MEI1: variants seen among roughly 807,000 people sequenced by gnomAD.
MEI1 encodes the protein meiotic double-stranded break formation protein 1, also known as meiosis inhibitor protein 1.
MEI1 carries 103 observed loss-of-function variants against 146.2 expected under a neutral mutation model. The observed-to-expected ratio is 0.70, with a 90% CI of 0.60 to 0.83. The LOEUF (loss-of-function observed/expected upper bound fraction) is 0.83. Ranked by LOEUF, MEI1 falls within the 40% of genes least tolerant of loss-of-function variation. The pLI, the probability that MEI1 is intolerant of heterozygous loss-of-function variation, is 0.00. For missense variants in MEI1, 1,529 were observed against 1,533.0 expected (o/e 1.00, Z 0.04); for synonymous variants, 652 against 628.2 (o/e 1.04, Z -0.57).
chr22:41,794,673 A>T (rs968173459), intron 28 of MEI1, among the ~76,000 whole-genome samples, 196 bp downstream of exon 28: 1 of 151,992 alleles, frequency 6.6e-6, no homozygotes, highest in Non-Finnish European at 1.5e-5. Flanking sequence ...GGGGACTCCG[A>T]CACCCTTTCC....
At chr22:41,792,370 G>GT (rs2076210199) in intron 26 of MEI1, among the ~76,000 whole-genome samples, 1 of 152,190 alleles carries the variant, frequency 6.6e-6, no homozygotes, top group Non-Finnish European at 1.5e-5. Flanking sequence ...ACAGGAATCT[G>GT]TGTCAAAGCC....
At chr22:41,773,601 C>T (rs1460646761) in intron 20 of MEI1, among the ~76,000 whole-genome samples, 4 of 149,848 alleles carry the variant, frequency 2.7e-5, no homozygotes, top group Non-Finnish European at 4.4e-5. Flanking sequence ...GGAGGCCGGG[C>T]GCGGTGGCTC....
chr22:41,773,159 A>C (rs1191320937), intron 20 of MEI1, among the ~76,000 whole-genome samples: 1 of 152,160 alleles, frequency 6.6e-6, no homozygotes, highest in Non-Finnish European at 1.5e-5. Flanking sequence ...TTGAATGTGC[A>C]CCATCCTTAT....
chr22:41,769,299 A>C (rs1323627991), intron 19 of MEI1, among the ~76,000 whole-genome samples: 1 of 152,212 alleles, frequency 6.6e-6, no homozygotes, highest in Non-Finnish European at 1.5e-5. Context: ...GGATGCCAAG[A>C]TAATTCAATG....
intron 3 of MEI1, among the ~76,000 whole-genome samples, chr22:41,707,629 C>G (rs1053293407): frequency 2.0e-5 from 3 of 151,844 alleles, no homozygotes; most frequent in Non-Finnish European, 2.9e-5. Flanking sequence ...GGCAACATAG[C>G]AAGACTGTCT....
chr22:41,736,802 T>G (rs1343250917), intron 11 of MEI1, among the ~76,000 whole-genome samples: 1 of 152,064 alleles, frequency 6.6e-6, no homozygotes, highest in Non-Finnish European at 1.5e-5. Context: ...CTGTAGAAAA[T>G]AACATAGGTT....
intron 20 of MEI1, among the ~76,000 whole-genome samples, chr22:41,773,761 G>C (rs777268857): frequency 7.9e-5 from 12 of 152,096 alleles, no homozygotes; most frequent in Non-Finnish European, 1.5e-4. Flanking sequence ...TGTAGTCCCA[G>C]CCACTCAGGA....
At chr22:41,703,013 C>T (rs537020512) in intron 1 of MEI1, among the ~76,000 whole-genome samples, 113 of 152,276 alleles carry the variant, frequency 7.4e-4, no homozygotes, top group African/African-American at 2.3e-3. Context: ...TCACCGGGCC[C>T]GGCCTCTGTT....
chr22:41,730,723 C>A, intron 9 of MEI1, 86 bp downstream of exon 9: 1 of 827,984 alleles, frequency 1.2e-6, no homozygotes, highest in Non-Finnish European at 2.1e-6. Context: ...GGGGGGCTAG[C>A]CTCCACCTTG....
chr22:41,746,080 C>A, intron 14 of MEI1, 54 bp downstream of exon 14: 1 of 1,492,550 alleles, frequency 6.7e-7, no homozygotes. Context: ...GAAGAATGTG[C>A]AGGCGAGCCA....
In MEI1 at chr22:41,752,649, G is replaced by T; in HGVS notation, c.1851G>T (p.Leu617=). 1 of 1,593,842 alleles carries T rather than the reference G, an allele frequency of 6.3e-7. No individual in the cohort carries two copies. The highest frequency in any genetic ancestry group is 8.5e-7 in the Non-Finnish European group (1 of 1,170,264). ...TGAAGGCCAGGTTTTGCAGTGGTCT[G>T]AGGTATGTGTGGTCCCAGGCAAGAT... ...LELKARFCSG[L]SHSALNQVCS... The change falls in exon 16 of 31, where the codon CTG becomes CTT. Residue 617 remains leucine, a splice_region_variant and synonymous_variant. Transcript: ENST00000401548.
At chr22:41,728,906 C>G (rs912388189) in intron 7 of MEI1, among the ~76,000 whole-genome samples, 2 of 151,866 alleles carry the variant, frequency 1.3e-5, no homozygotes, top group African/African-American at 2.4e-5. Flanking sequence ...TGGCTCATGC[C>G]TATATTCCCA....
At chr22:41,741,923 A>T (rs1422456166) in intron 11 of MEI1, among the ~76,000 whole-genome samples, 1 of 143,220 alleles carries the variant, frequency 7.0e-6, no homozygotes. Context: ...CAGCCTGGTG[A>T]CAGAGCGAGA....
chr22:41,765,423 G>A (rs73426999), intron 19 of MEI1, among the ~76,000 whole-genome samples: 2,516 of 152,240 alleles, frequency 0.017, 71 homozygotes, highest in African/African-American at 0.056. Flanking sequence ...CGAGGCTGCA[G>A]TGAGCCATGT....
intron 26 of MEI1, among the ~76,000 whole-genome samples, chr22:41,792,110 C>A (rs1194327097): frequency 6.6e-6 from 1 of 152,160 alleles, no homozygotes; most frequent in African/African-American, 2.4e-5. Context: ...GAATTATATC[C>A]TTTAAAGGAT....
intron 6 of MEI1, among the ~76,000 whole-genome samples, chr22:41,721,578 A>T (rs2070806252): frequency 6.6e-6 from 1 of 150,462 alleles, no homozygotes; most frequent in South Asian, 2.1e-4. Flanking sequence ...TTTTTTGTAG[A>T]GTCTGGGTCT....
chr22:41,783,904 A>G (rs2075852515), intron 24 of MEI1, among the ~76,000 whole-genome samples: 2 of 151,990 alleles, frequency 1.3e-5, no homozygotes, highest in African/African-American at 4.8e-5. Context: ...GCTGGTCTTG[A>G]ACTCCTGGGC....
chr22:41,751,640 C>T (rs764635724), intron 15 of MEI1, among the ~76,000 whole-genome samples: 1 of 151,920 alleles, frequency 6.6e-6, no homozygotes, highest in Admixed American at 6.6e-5. Flanking sequence ...GGCGTGGTGG[C>T]GCGTGGCTGT....
rs376462095 is a variant in MEI1, at chr22:41,796,923, C to T, written c.3779+1076C>T. 1.3e-3 allele frequency among the ~76,000 whole-genome samples: 192 copies of T among 151,856 alleles called. 1 individual carries two copies. Among genetic ancestry groups the T allele is most frequent in the African/African-American group, 4.4e-3 (181 of 41,398 alleles). On this transcript the variant is annotated intron_variant, in intron 30 of 30. Coordinates refer to ENST00000401548, the MANE Select transcript of MEI1 (RefSeq NM_152513.4). ...TCACACCACTGTACTGCACCCTGGG[C>T]GACAAAACATGACTCTGTCCCAGAA...
Sources: gnomAD v4.1 joint callset for allele counts (sites outside exome capture counted in the v4.1 genomes callset) on GRCh38, gnomAD v4.1.1 for gene constraint, MANE v1.5 for transcripts, NCBI Gene and HGNC (gene_info 2026-07-23, HGNC 2026-07-21) for gene names.